Variants in GPR65 observed in about 807,000 individuals in gnomAD.
GPR65 encodes T-cell death-associated gene 8 protein.
Under a neutral mutation model 0.7 loss-of-function variants are expected in GPR65, and 2 were observed. The ratio of observed to expected loss-of-function variants is 2.83; its 90% CI spans 1.16 to 8.92. The LOEUF (loss-of-function observed/expected upper bound fraction) is 8.92, where lower values mean the gene tolerates loss of function less well. Among genes scored for constraint, GPR65 ranks in the 30% most tolerant of loss-of-function variants. The pLI, the probability that GPR65 is intolerant of heterozygous loss-of-function variation, is 0.04. For missense variants in GPR65, 379 were observed against 399.4 expected (o/e 0.95, Z 0.43); for synonymous variants, 128 against 146.5 (o/e 0.87, Z 0.91).
chr14:88,011,945 C>T lies in GPR65; in HGVS notation c.*84C>T, dbSNP rs1370822943. The T allele has an allele frequency of 2.0e-6, 2 of 980,806 alleles. No homozygotes were observed. Among genetic ancestry groups the T allele is most frequent in the South Asian group, 3.4e-5 (2 of 59,646 alleles). 60.8% of individuals were successfully genotyped at this position (980,806 alleles called of 1,614,324 possible). A position where few individuals can be genotyped will look rare whatever the true frequency, so the allele number is the denominator to read the frequency against. The stretch of plus-strand genomic sequence containing the variant: ...ATTACATTTTGAAAAGGAAATCTAG[C>T]ATGTGAGGGGACTAAGTGTTCTCAG... On this transcript the variant is annotated 3_prime_UTR_variant, in exon 2 of 2. Transcript: ENST00000267549.
chr14:88,007,134 T>C (rs1887606040), intron 1 of GPR65, among the ~76,000 whole-genome samples: 1 of 152,150 alleles, frequency 6.6e-6, no homozygotes, highest in South Asian at 2.1e-4. Context: ...TTTTCCTTAG[T>C]CTTTGGTGAA....
In GPR65 at chr14:88,011,787, A is replaced by G; in HGVS notation, c.940A>G (p.Thr314Ala). The G allele has an allele frequency of 1.2e-6, 2 of 1,607,978 alleles. No homozygotes were observed. The highest frequency in any genetic ancestry group is 1.7e-6 in the Non-Finnish European group (2 of 1,176,000). ...ILKFCTGRCN[T>A]SQRQRKRILS... Reference sequence around the variant, plus strand: ...AAAATTCTGCACTGGGAGGTGTAATACATCACAAAGACAAAGAAAACGCAT... The same window carrying G: ...AAAATTCTGCACTGGGAGGTGTAATGCATCACAAAGACAAAGAAAACGCAT... Residue 314 changes from threonine (T) to alanine (A), a missense_variant, in exon 2 of 2, where the codon ACA becomes GCA. Coordinates refer to ENST00000267549, the MANE Select transcript of GPR65 (RefSeq NM_003608.4).
chr14:88,011,489 A>AGG lies in GPR65; in HGVS notation c.643_644insGG (p.Ala215GlyfsTer12), dbSNP rs745643227. On this transcript the variant is annotated frameshift_variant, in exon 2 of 2. Coordinates refer to ENST00000267549, the MANE Select transcript of GPR65 (RefSeq NM_003608.4). LOFTEE classifies it low-confidence loss of function (END_TRUNC). ...TCTACCAAGCTGTGCGGCACAATAAAGCCACGGAAAACAAGGAAAAGAAGA... is the reference window on the plus strand; with the variant it reads ...TCTACCAAGCTGTGCGGCACAATAAAGGGCCACGGAAAACAAGGAAAAGAAGA... 19 of 1,614,024 alleles carry AGG rather than the reference A, an allele frequency of 1.2e-5. No individual in the cohort carries two copies. The highest frequency in any genetic ancestry group is 5.3e-5 in the African/African-American group (4 of 74,924).
In GPR65 at chr14:88,010,911, A is replaced by G. The variant is rs1429007377; in HGVS notation, c.64A>G (p.Ile22Val). ...LDHYLFPIVY[I>V]FVIIVSIPAN... is the part of the protein sequence containing the mutation. The stretch of plus-strand genomic sequence containing the variant: ...TCACTATTTGTTTCCCATTGTTTAC[A>G]TCTTTGTGATTATAGTCAGCATTCC... Residue 22 changes from isoleucine (I) to valine (V), a missense_variant, in exon 2 of 2, where the codon ATC becomes GTC. Physicochemically the swap from Ile to Val is conservative, Grantham distance 29. Coordinates refer to ENST00000267549, the MANE Select transcript of GPR65 (RefSeq NM_003608.4). 1 of 1,612,174 alleles carries G rather than the reference A, an allele frequency of 6.2e-7. No individual in the cohort carries two copies. Among genetic ancestry groups the G allele is most frequent in the South Asian group, 1.1e-5 (1 of 91,052 alleles).
At position 88,010,905 on chromosome 14, in the gene GPR65, G is replaced by A. The variant is rs1326057601; in HGVS notation, c.58G>A (p.Val20Ile). 1 of 1,612,650 alleles carries A rather than the reference G, an allele frequency of 6.2e-7. No homozygotes were observed. Among genetic ancestry groups the A allele is most frequent in the Non-Finnish European group, 8.5e-7 (1 of 1,178,880 alleles). The change falls in exon 2 of 2, where the codon GTT becomes ATT. Residue 20 changes from valine (V) to isoleucine (I), a missense_variant. Physicochemically the swap from Val to Ile is conservative, Grantham distance 29. Coordinates refer to ENST00000267549, the MANE Select transcript of GPR65 (RefSeq NM_003608.4). ...CCTGGATCACTATTTGTTTCCCATT[G>A]TTTACATCTTTGTGATTATAGTCAG... ...HDLDHYLFPI[V>I]YIFVIIVSIP... is the part of the protein sequence containing the mutation.
rs987929695 is a variant in GPR65, at chr14:88,012,027, C to T, written c.*166C>T. 1.1e-5 allele frequency: 6 copies of T among 530,734 alleles called. No individual in the cohort carries two copies. In the Admixed American group the frequency reaches 1.8e-4, roughly 16 times the overall value. The allele number at this position is 530,734 out of a possible 1,614,324, so 32.9% of individuals were successfully genotyped here. A position where few individuals can be genotyped will look rare whatever the true frequency, so the allele number is the denominator to read the frequency against. ...TCTTAAAACTGCATTGTACAGCTCC[C>T]TCCCTGCGTTTTATTAAATGATGTA... On this transcript the variant is annotated 3_prime_UTR_variant, in exon 2 of 2. Coordinates refer to ENST00000267549, the MANE Select transcript of GPR65 (RefSeq NM_003608.4).
Position 88,012,731 on chromosome 14 carries a change from AT to A in GPR65, c.*871del, listed in dbSNP as rs1158807113. The A allele has an allele frequency of 6.6e-6, 1 of 152,192 alleles. No individual in the cohort carries two copies. Among genetic ancestry groups the A allele is most frequent in the Non-Finnish European group, 1.5e-5 (1 of 68,028 alleles). The allele number at this position is 152,192 out of a possible 1,614,324, so 9.4% of individuals were successfully genotyped here. On this transcript the variant is annotated 3_prime_UTR_variant, in exon 2 of 2. Transcript: ENST00000267549. ...GGTTATACTCCATTTTGTTTATCTA[AT>A]CACTTGGCTTCATTAACAAATATTT...
chr14:88,011,489 A>C lies in GPR65; in HGVS notation c.642A>C (p.Lys214Asn), dbSNP rs1035687974. 1 of 1,614,142 alleles carries C rather than the reference A, an allele frequency of 6.2e-7. No individual in the cohort carries two copies. Among genetic ancestry groups the C allele is most frequent in the African/African-American group, 1.3e-5 (1 of 75,046 alleles). Residue 214 changes from lysine (K) to asparagine (N), a missense_variant, in exon 2 of 2, where the codon AAA becomes AAC. By Grantham distance (94) the Lys-to-Asn change is moderately conservative. Coordinates refer to ENST00000267549, the MANE Select transcript of GPR65 (RefSeq NM_003608.4). ...RKVYQAVRHN[K>N]ATENKEKKRI... The stretch of plus-strand genomic sequence containing the variant: ...TCTACCAAGCTGTGCGGCACAATAA[A>C]GCCACGGAAAACAAGGAAAAGAAGA...
Position 88,012,453 on chromosome 14 carries a change from A to G in GPR65, c.*592A>G, listed in dbSNP as rs1452133112. 6.6e-6 allele frequency: 1 copy of G among 152,202 alleles called. No individual in the cohort carries two copies. The highest frequency in any genetic ancestry group is 2.4e-5 in the African/African-American group (1 of 41,440). The allele number at this position is 152,202 out of a possible 1,614,324, so 9.4% of individuals were successfully genotyped here. On this transcript the variant is annotated 3_prime_UTR_variant, in exon 2 of 2. Transcript: ENST00000267549. Reference sequence around the variant, plus strand: ...CTGTGCAACCATCACCACACTCAAAAAATTTTCATCACCCACCAAAGAAAT... The same window carrying G: ...CTGTGCAACCATCACCACACTCAAAGAATTTTCATCACCCACCAAAGAAAT...
Position 88,011,004 on chromosome 14 carries a change from C to T in GPR65, c.157C>T (p.Leu53Phe). 1 of 1,613,458 alleles carries T rather than the reference C, an allele frequency of 6.2e-7. No individual in the cohort carries two copies. Among genetic ancestry groups the T allele is most frequent in the Non-Finnish European group, 8.5e-7 (1 of 1,179,432 alleles). Residue 53 changes from leucine to phenylalanine, a missense_variant, in exon 2 of 2, where the codon CTC becomes TTC. Coordinates refer to ENST00000267549, the MANE Select transcript of GPR65 (RefSeq NM_003608.4). Reference protein sequence around the residue: ...AKKESELGIYLFSLSLSDLLY... With the variant: ...AKKESELGIYFFSLSLSDLLY... Reference sequence around the variant, plus strand: ...GAAGGAAAGTGAACTAGGAATTTACCTCTTCAGTTTGTCACTATCAGATTT... The same window carrying T: ...GAAGGAAAGTGAACTAGGAATTTACTTCTTCAGTTTGTCACTATCAGATTT...
intron 1 of GPR65, among the ~76,000 whole-genome samples, chr14:88,005,990 G>C (rs74349045): frequency 0.1 from 15,289 of 152,114 alleles, 967 homozygotes; most frequent in Non-Finnish European, 0.15. Context: ...TATCTGAAAA[G>C]ATATGTGAAT....
rs1252704595 is a variant in GPR65, at chr14:88,010,651, G to C, written c.-197G>C. Reference sequence around the variant, plus strand: ...GCCTGGATTTTTACTTCCAACTGCTGATATCTGTGTAAAAATTGATCTACA... The same window carrying C: ...GCCTGGATTTTTACTTCCAACTGCTCATATCTGTGTAAAAATTGATCTACA... On this transcript the variant is annotated 5_prime_UTR_variant, in exon 2 of 2. The change abolishes the stop of an existing upstream ORF in the 5' untranslated region. Transcript: ENST00000267549. The C allele has an allele frequency of 7.4e-6, 4 of 537,686 alleles. No individual in the cohort carries two copies. The East Asian group carries it at 1.2e-4, about 16-fold the overall frequency. 33.3% of individuals were successfully genotyped at this position (537,686 alleles called of 1,614,324 possible).
At chr14:88,007,846 T>C (rs1424158033) in intron 1 of GPR65, among the ~76,000 whole-genome samples, 1 of 151,404 alleles carries the variant, frequency 6.6e-6, no homozygotes, top group Non-Finnish European at 1.5e-5. Flanking sequence ...TTGTTAGAAC[T>C]CTATCTGTAG....
intron 1 of GPR65, among the ~76,000 whole-genome samples, chr14:88,006,126 C>T (rs938349351): frequency 6.6e-6 from 1 of 152,162 alleles, no homozygotes; most frequent in Non-Finnish European, 1.5e-5. Context: ...ACACTCTGAG[C>T]ACCTCCAGCT....
chr14:88,007,549 A>G (rs1166471253), intron 1 of GPR65, among the ~76,000 whole-genome samples: 2 of 150,904 alleles, frequency 1.3e-5, no homozygotes, highest in Non-Finnish European at 3.0e-5. Flanking sequence ...TTAAATTATT[A>G]TTATTTTTAT....
rs2028499 is a variant in GPR65, at chr14:88,012,339, A to T, written c.*478A>T. The stretch of plus-strand genomic sequence containing the variant: ...TCTTTATTTTTTTATCTTGTATAAA[A>T]TAACTGCTTTATTGACACAAAATTT... On this transcript the variant is annotated 3_prime_UTR_variant, in exon 2 of 2. Coordinates refer to ENST00000267549, the MANE Select transcript of GPR65 (RefSeq NM_003608.4). The T allele has an allele frequency of 0.1, 15,370 of 152,756 alleles. 969 individuals are homozygous for T. The highest frequency in any genetic ancestry group is 0.15 in the Non-Finnish European group (10,275 of 68,372). 9.5% of individuals were successfully genotyped at this position (152,756 alleles called of 1,614,324 possible). A position where few individuals can be genotyped will look rare whatever the true frequency, so the allele number is the denominator to read the frequency against.
Position 88,013,840 on chromosome 14 carries a change from G to C in GPR65, c.*1979G>C, listed in dbSNP as rs1220355578. 1 of 152,166 alleles carries C rather than the reference G, an allele frequency of 6.6e-6. No individual in the cohort carries two copies. The highest frequency in any genetic ancestry group is 1.5e-5 in the Non-Finnish European group (1 of 68,074). The allele number at this position is 152,166 out of a possible 1,614,324, so 9.4% of individuals were successfully genotyped here. ...GAGGGGGAAGTGATGTGGGGGTTAT[G>C]GTACCTCTTTTCTCTTCCAAAGATG... On this transcript the variant is annotated 3_prime_UTR_variant, in exon 2 of 2. Coordinates refer to ENST00000267549, the MANE Select transcript of GPR65 (RefSeq NM_003608.4).
chr14:88,011,232 A>G lies in GPR65; in HGVS notation c.385A>G (p.Arg129Gly). ...GAAGTTTTTTTTCCTAAGGACAAGAAGATTTGCACTCATGGTCAGCCTGTC... is the reference window on the plus strand; with the variant it reads ...GAAGTTTTTTTTCCTAAGGACAAGAGGATTTGCACTCATGGTCAGCCTGTC... ...PLKFFFLRTR[R>G]FALMVSLSIW... Residue 129 changes from arginine to glycine, a missense_variant, in exon 2 of 2, where the codon AGA becomes GGA. By Grantham distance (125) the Arg-to-Gly change is moderately radical (BLOSUM62 -2). Transcript: ENST00000267549. 6.2e-7 allele frequency: 1 copy of G among 1,613,994 alleles called. No individual in the cohort carries two copies. The highest frequency in any genetic ancestry group is 8.5e-7 in the Non-Finnish European group (1 of 1,179,982).
rs1887726568 is a variant in GPR65 at position 88,013,910 on chromosome 14, A to G, written c.*2049A>G. The G allele has an allele frequency of 6.6e-6, 1 of 152,250 alleles. No individual in the cohort carries two copies. Among genetic ancestry groups the G allele is most frequent in the South Asian group, 2.1e-4 (1 of 4,830 alleles). 9.4% of individuals were successfully genotyped at this position (152,250 alleles called of 1,614,324 possible). A position where few individuals can be genotyped will look rare whatever the true frequency, so the allele number is the denominator to read the frequency against. ...TGTGGCTGGCCAGGAAAAGCCATGC[A>G]GGAGTTTTGTTTGTGGCCACTAGGT... On this transcript the variant is annotated 3_prime_UTR_variant, in exon 2 of 2. Coordinates refer to ENST00000267549, the MANE Select transcript of GPR65 (RefSeq NM_003608.4).
Sources: gnomAD v4.1 joint callset for allele counts (sites outside exome capture counted in the v4.1 genomes callset) on GRCh38, gnomAD v4.1.1 for gene constraint, MANE v1.5 for transcripts, NCBI Gene and HGNC (gene_info 2026-07-23, HGNC 2026-07-21) for gene names.